The following TTC7A variants were observed in gnomAD, a reference collection of about 807,000 sequenced individuals.
TTC7A encodes tetratricopeptide repeat domain 7A, also known as tetratricopeptide repeat protein 7A.
Under a neutral mutation model 103.7 loss-of-function variants are expected in TTC7A, and 110 were observed. The ratio of observed to expected loss-of-function variants is 1.06; its 90% confidence interval spans 0.91 to 1.24. The LOEUF is 1.24. Among genes scored for constraint, TTC7A ranks in the 50% most tolerant of loss-of-function variants. The pLI, the probability that TTC7A is intolerant of heterozygous loss-of-function variation, is 0.00. For missense variants in TTC7A, 1,340 were observed against 1,116.3 expected (o/e 1.20, Z -2.86); for synonymous variants, 521 against 467.9 (o/e 1.11, Z -1.47).
chr2:46,916,987 A>G (rs1286028263), intron 1 of TTC7A, among the ~76,000 whole-genome samples: 1 of 151,744 alleles, frequency 6.6e-6, no homozygotes, highest in Admixed American at 6.6e-5. Flanking sequence ...AAGGTACATA[A>G]TCGTTTTTCA....
chr2:46,951,495 A>C (rs1015801802), intron 2 of TTC7A: 21 of 443,638 alleles, frequency 4.7e-5, no homozygotes, highest in Non-Finnish European at 9.4e-5. Context: ...GGGTAAAAAA[A>C]AACTCAAAGA....
Position 47,074,221 on chromosome 2 carries a change from C to G in TTC7A, c.*298C>G. ...AGCGGGGAGCCTCACAGCTGTCCTT[C>G]ACCCTCACCCATGCCTCTGGCTTGG... On this transcript the variant is annotated 3_prime_UTR_variant, in exon 20 of 20. Coordinates refer to ENST00000319190, the MANE Select transcript of TTC7A (RefSeq NM_020458.4). 1 of 444,338 alleles carries G rather than the reference C, an allele frequency of 2.3e-6. No individual in the cohort carries two copies. Among genetic ancestry groups the G allele is most frequent in the South Asian group, 2.4e-5 (1 of 41,500 alleles). 27.5% of individuals were successfully genotyped at this position (444,338 alleles called of 1,614,324 possible).
At position 46,916,321 on chromosome 2, in the gene TTC7A, C is replaced by T. The variant is rs151317766; in HGVS notation, c.-269C>T. On this transcript the variant is annotated 5_prime_UTR_variant, in exon 1 of 21. Coordinates refer to the TTC7A transcript ENST00000409245. Reference sequence around the variant, plus strand: ...TTGGCCTGCTTCCAGCGTCTGCCAGCTCCACTGCACAAGCTGCGGCAGCCG... The same window carrying T: ...TTGGCCTGCTTCCAGCGTCTGCCAGTTCCACTGCACAAGCTGCGGCAGCCG... 6.0e-3 allele frequency: 1,883 copies of T among 314,384 alleles called. 42 individuals are homozygous for T. Among genetic ancestry groups the T allele is most frequent in the African/African-American group, 0.04 (1,795 of 44,448 alleles). 19.5% of individuals were successfully genotyped at this position (314,384 alleles called of 1,614,324 possible). A position where few individuals can be genotyped will look rare whatever the true frequency, so the allele number is the denominator to read the frequency against.
chr2:46,918,047 T>G (rs553930584), intron 2 of TTC7A, among the ~76,000 whole-genome samples: 1 of 152,344 alleles, frequency 6.6e-6, no homozygotes, highest in Admixed American at 6.5e-5. Context: ...CTCCAAAATA[T>G]GTCTCTCTGA....
At chr2:46,948,815 G>A (rs1259622670) in intron 1 of TTC7A, among the ~76,000 whole-genome samples, 1 of 152,204 alleles carries the variant, frequency 6.6e-6, no homozygotes, top group Admixed American at 6.5e-5. Flanking sequence ...GTGGTATCCT[G>A]AGAGTGAGGA....
In TTC7A at chr2:46,994,381, G is replaced by A. The variant is rs757842061; in HGVS notation, c.868G>A (p.Val290Ile). ...KVMAAKHLAG[V>I]LLHSLSEECY... ...GATGGCGGCCAAGCACCTGGCGGGGGTCCTGCTGCACTCCCTGAGTGAGGA... is the reference window on the plus strand; with the variant it reads ...GATGGCGGCCAAGCACCTGGCGGGGATCCTGCTGCACTCCCTGAGTGAGGA... Residue 290 changes from valine (V) to isoleucine (I), a missense_variant, in exon 7 of 20, where the codon GTC (valine) becomes ATC (isoleucine). By Grantham distance (29) the Val-to-Ile change is conservative. Transcript: ENST00000319190. 5 of 1,613,578 alleles carry A rather than the reference G, an allele frequency of 3.1e-6. No homozygotes were observed. The highest frequency in any genetic ancestry group is 4.2e-6 in the Non-Finnish European group (5 of 1,179,718).
intron 3 of TTC7A, among the ~76,000 whole-genome samples, chr2:46,967,179 C>T (rs1402556312): frequency 1.3e-5 from 2 of 152,036 alleles, no homozygotes; most frequent in East Asian, 1.9e-4. Context: ...TGCCACTGCA[C>T]TCCAGCCTGG....
intron 11 of TTC7A, among the ~76,000 whole-genome samples, chr2:47,014,496 T>C (rs898598731): frequency 6.6e-6 from 1 of 152,156 alleles, no homozygotes; most frequent in Non-Finnish European, 1.5e-5. Context: ...ACTGGCCCCA[T>C]CCTTCTGCTG....
At chr2:47,050,128 G>C in intron 17 of TTC7A, 82 bp downstream of exon 17, 1 of 1,214,050 alleles carries the variant, frequency 8.2e-7, no homozygotes, top group Non-Finnish European at 1.2e-6. Context: ...ACAGAGAGGG[G>C]CCGGGCCCTC....
At position 47,051,804 on chromosome 2, in the gene TTC7A, G is replaced by A. The variant is rs1406561730; in HGVS notation, c.2076G>A (p.Leu692=). 2.5e-6 allele frequency: 4 copies of A among 1,612,010 alleles called. No individual in the cohort carries two copies. The highest frequency in any genetic ancestry group is 3.4e-6 in the Non-Finnish European group (4 of 1,179,814). Residue 692 remains leucine, a synonymous_variant, in exon 18 of 20, where the codon CTG becomes CTA. Coordinates refer to ENST00000319190, the MANE Select transcript of TTC7A (RefSeq NM_020458.4). ...GGCTGGAGGAGGCCATGTCAGAGCT[G>A]ACTATGCCCTCTTCGGTCCTGAAGC... ...ASRLEEAMSE[L]TMPSSVLKQG... is the part of the protein sequence containing the mutation.
chr2:47,069,000 G>C (rs995542030), intron 19 of TTC7A, among the ~76,000 whole-genome samples: 1 of 152,002 alleles, frequency 6.6e-6, no homozygotes, highest in African/African-American at 2.4e-5. Flanking sequence ...CCTGCCCAGA[G>C]AGGGGACCTT....
In TTC7A at chr2:47,006,737, G is replaced by A; in HGVS notation, c.1287+13G>A. On this transcript the variant is annotated intron_variant, in intron 10 of 19. Transcript: ENST00000319190. ...GGCTTGTGGGAAGGTAAGGCCCAGGGGGCGCTAGGGGTTGCACACTCACCC... is the reference window on the plus strand; with the variant it reads ...GGCTTGTGGGAAGGTAAGGCCCAGGAGGCGCTAGGGGTTGCACACTCACCC... 1.2e-6 allele frequency: 2 copies of A among 1,603,892 alleles called. No individual in the cohort carries two copies. The highest frequency in any genetic ancestry group is 2.2e-5 in the South Asian group (2 of 90,860).
chr2:46,928,729 T>C (rs56176930), intron 2 of TTC7A, among the ~76,000 whole-genome samples: 29,213 of 151,364 alleles, frequency 0.19, 3,704 homozygotes, highest in African/African-American at 0.35. Flanking sequence ...GTGATTGCAC[T>C]ACTGCACTCC....
chr2:46,958,009 A>T (rs78042109), intron 3 of TTC7A, among the ~76,000 whole-genome samples: 2 of 152,128 alleles, frequency 1.3e-5, no homozygotes, highest in South Asian at 4.1e-4. Flanking sequence ...ACCCAGATAC[A>T]TGGTGGAGCC....
rs1272500008 is a variant in TTC7A at position 47,055,942 on chromosome 2, C to T, written c.2152+4062C>T. ...CTCTACTCTTTGTCATCCTTCCTGC[C>T]CCCCTCCTGTCTTCATTCAGTGCCT... On this transcript the variant is annotated intron_variant, in intron 18 of 19. Coordinates refer to ENST00000319190, the MANE Select transcript of TTC7A (RefSeq NM_020458.4). Among the ~76,000 whole-genome samples the T allele has an allele frequency of 6.4e-5, 7 of 109,134 alleles. No homozygotes were observed. In the South Asian group the frequency reaches 2.5e-3, roughly 38 times the overall value. The allele number at this position is 109,134 out of a possible 152,430, so 71.6% of individuals were successfully genotyped here.
At chr2:47,067,256 T>A (rs1223789666) in intron 19 of TTC7A, among the ~76,000 whole-genome samples, 2 of 152,256 alleles carry the variant, frequency 1.3e-5, no homozygotes, top group Non-Finnish European at 2.9e-5. Flanking sequence ...GACTCTCTTG[T>A]GACTTCAAGG....
intron 3 of TTC7A, among the ~76,000 whole-genome samples, chr2:46,961,451 C>T (rs1672358858): frequency 6.6e-6 from 1 of 152,064 alleles, no homozygotes; most frequent in East Asian, 1.9e-4. Context: ...GTGGCAGGTG[C>T]CTGTAGTCCC....
chr2:47,051,630 C>G (rs1477491782), intron 17 of TTC7A, 116 bp from the exon 18 acceptor site: 3 of 1,394,150 alleles, frequency 2.2e-6, no homozygotes, highest in Non-Finnish European at 2.9e-6. Context: ...AGCCGCACCA[C>G]CCTACCCTGA....
chr2:46,993,522 C>A lies in TTC7A; in HGVS notation c.837C>A (p.Phe279Leu), dbSNP rs760569935. 1.3e-5 allele frequency: 21 copies of A among 1,613,996 alleles called. No individual in the cohort carries two copies. The highest frequency in any genetic ancestry group is 1.6e-5 in the Non-Finnish European group (19 of 1,180,008). Residue 279 changes from phenylalanine to leucine, a missense_variant, in exon 6 of 20, where the codon TTC (phenylalanine) becomes TTA (leucine). Coordinates refer to ENST00000319190, the MANE Select transcript of TTC7A (RefSeq NM_020458.4). ...TGGAGACCAAAGCAACTCAGAACTT[C>A]AAAGTGGTAATGTGGGGTGCTGGCA... ...RTVETKATQNFKVMAAKHLAG... is the reference protein window; with the variant it reads ...RTVETKATQNLKVMAAKHLAG...
Sources: allele counts gnomAD v4.1 joint callset (sites outside exome capture counted in the v4.1 genomes callset), GRCh38; gene constraint gnomAD v4.1.1; transcripts MANE v1.5; gene names NCBI Gene and HGNC (gene_info 2026-07-23, HGNC 2026-07-21).